GDAP1: variants seen among roughly 807,000 people sequenced by gnomAD.
GDAP1 encodes ganglioside induced differentiation associated protein 1.
A neutral mutation model predicts 40.1 loss-of-function variants in GDAP1; 34 were observed. That is an observed-to-expected ratio of 0.85 (90% CI 0.64 to 1.13). The LOEUF is 1.13. Among genes scored for constraint, GDAP1 ranks in the 50% most tolerant of loss-of-function variants. GDAP1 has a pLI of 0.00. For missense variants in GDAP1, 374 were observed against 433.7 expected, an observed-to-expected ratio of 0.86 and a Z score of 1.22; for synonymous variants, 170 against 157.4, an observed-to-expected ratio of 1.08 and a Z score of -0.60.
At chr8:74,429,517 T>C (rs1225564742) in intron 2 of GDAP1, among the ~76,000 whole-genome samples, 2 of 152,174 alleles carry the variant, frequency 1.3e-5, no homozygotes, top group Non-Finnish European at 2.9e-5. Context: ...CTGAAATCAA[T>C]GTGTCAACAG....
chr8:74,442,289 A>G (rs1196489964), intron 2 of GDAP1, among the ~76,000 whole-genome samples: 1 of 152,212 alleles, frequency 6.6e-6, no homozygotes, highest in Non-Finnish European at 1.5e-5. Flanking sequence ...CAGGCTTCCC[A>G]GAGGATCCGG....
intron 2 of GDAP1, among the ~76,000 whole-genome samples, chr8:74,376,957 G>T (rs1300924346): frequency 6.6e-6 from 1 of 151,712 alleles, no homozygotes. Flanking sequence ...TGTTTTATTG[G>T]GAAAAGAAAG....
chr8:74,400,238 G>A (rs889309876), intron 2 of GDAP1, among the ~76,000 whole-genome samples: 19 of 149,918 alleles, frequency 1.3e-4, no homozygotes, highest in Non-Finnish European at 2.2e-4. Context: ...GTGCTCCTGT[G>A]TTGGGTACAT....
chr8:74,401,091 T>C (rs1352078664), intron 2 of GDAP1, among the ~76,000 whole-genome samples: 4 of 149,222 alleles, frequency 2.7e-5, no homozygotes, highest in Admixed American at 1.3e-4. Flanking sequence ...TGAATCTGAA[T>C]GTTGGCCTGC....
At chr8:74,387,033 A>G (rs954328650) in intron 2 of GDAP1, among the ~76,000 whole-genome samples, 28 of 152,228 alleles carry the variant, frequency 1.8e-4, no homozygotes, top group Non-Finnish European at 3.1e-4. Flanking sequence ...TTGATTTTAT[A>G]TCCTGAGACT....
At chr8:74,377,565 C>T (rs957582661) in intron 2 of GDAP1, among the ~76,000 whole-genome samples, 4 of 152,158 alleles carry the variant, frequency 2.6e-5, no homozygotes, top group East Asian at 3.9e-4. Flanking sequence ...AAATTAAAAC[C>T]GCAATGAGAT....
At chr8:74,436,895 G>C (rs1277425018) in intron 2 of GDAP1, among the ~76,000 whole-genome samples, 1 of 152,108 alleles carries the variant, frequency 6.6e-6, no homozygotes, top group Non-Finnish European at 1.5e-5. Flanking sequence ...AAAAAGTAAA[G>C]GATTACCCGG....
At chr8:74,471,921 TAATTA>T (rs1268278697) in intron 2 of GDAP1, among the ~76,000 whole-genome samples, 2 of 152,214 alleles carry the variant, frequency 1.3e-5, no homozygotes, top group Non-Finnish European at 2.9e-5. Flanking sequence ...TCCATTCACT[TAATTA>T]AATTAATTAA....
At chr8:74,415,715 C>T (rs1805769924) in intron 2 of GDAP1, among the ~76,000 whole-genome samples, 1 of 149,984 alleles carries the variant, frequency 6.7e-6, no homozygotes, top group African/African-American at 2.5e-5. Context: ...TCTGCATGCA[C>T]TCCCAGTCTC....
chr8:74,366,967 C>T (rs1308910437), downstream of GDAP1: 1 of 339,332 alleles, frequency 2.9e-6, no homozygotes, highest in Non-Finnish European at 5.7e-6. Flanking sequence ...GTAAAATAAG[C>T]AGAGGTTAGG....
chr8:74,415,830 AC>A (rs1412128421), intron 2 of GDAP1, among the ~76,000 whole-genome samples: 1 of 149,556 alleles, frequency 6.7e-6, no homozygotes, highest in East Asian at 1.9e-4. Context: ...GAAACCCCTA[AC>A]TGTGAGAGAG....
intron 2 of GDAP1, among the ~76,000 whole-genome samples, chr8:74,441,278 T>C (rs945624401): frequency 5.3e-5 from 8 of 152,236 alleles, no homozygotes; most frequent in Admixed American, 5.2e-4. Flanking sequence ...TACTTTACTA[T>C]GTAAGTAGCA....
At chr8:74,377,070 T>C (rs1217671025) in intron 2 of GDAP1, among the ~76,000 whole-genome samples, 1 of 152,160 alleles carries the variant, frequency 6.6e-6, no homozygotes, top group Non-Finnish European at 1.5e-5. Context: ...ATATCTGTCA[T>C]GGACCTAAAC....
intron 2 of GDAP1, among the ~76,000 whole-genome samples, chr8:74,438,633 C>A (rs1806122578): frequency 6.6e-6 from 1 of 152,156 alleles, no homozygotes; most frequent in Non-Finnish European, 1.5e-5. Context: ...GAGATGGGAT[C>A]TCTGTCACCT....
At chr8:74,389,282 A>G (rs1810072563) in intron 2 of GDAP1, among the ~76,000 whole-genome samples, 1 of 152,100 alleles carries the variant, frequency 6.6e-6, no homozygotes, top group Non-Finnish European at 1.5e-5. Context: ...GTTGGTCTTT[A>G]CATTTTGGTA....
chr8:74,428,601 G>C (rs1201377963), intron 2 of GDAP1, among the ~76,000 whole-genome samples: 1 of 144,756 alleles, frequency 6.9e-6, no homozygotes, highest in Non-Finnish European at 1.5e-5. Flanking sequence ...TGAGTAGCTG[G>C]GACTACGGGC....
intron 2 of GDAP1, among the ~76,000 whole-genome samples, chr8:74,398,206 G>A (rs1810244295): frequency 6.6e-6 from 1 of 152,064 alleles, no homozygotes; most frequent in East Asian, 1.9e-4. Context: ...ACATGTTCAT[G>A]TACCATTATG....
Position 74,364,066 on chromosome 8 carries a change from A to C in GDAP1, c.776A>C (p.Lys259Thr), listed in dbSNP as rs778557691. The C allele has an allele frequency of 1.2e-6, 2 of 1,614,140 alleles. No individual in the cohort carries two copies. The highest frequency in any genetic ancestry group is 1.1e-5 in the South Asian group (1 of 91,084). ...VSLAVTLHRL[K>T]FLGFARRNWG... ...CTCGCTGTCACATTGCATCGACTGA[A>C]GTTCCTGGGGTTTGCAAGGAGAAAC... Residue 259 changes from lysine (K) to threonine (T), a missense_variant, in exon 6 of 6, where the codon AAG becomes ACG. Transcript: ENST00000220822.
chr8:74,360,249 T>C lies in GDAP1; in HGVS notation c.423T>C (p.Ile141=). The change falls in exon 3 of 6, where the codon ATT becomes ATC. Residue 141 remains isoleucine, a synonymous_variant. Coordinates refer to ENST00000220822, the MANE Select transcript of GDAP1 (RefSeq NM_018972.4). The stretch of plus-strand genomic sequence containing the variant: ...TGGATGCCTATACACATGGCTGCAT[T>C]TTACATCCTGAGTTAACTGTGGACT... ...LPMDAYTHGC[I]LHPELTVDSM... is the part of the protein sequence containing the mutation. The C allele has an allele frequency of 1.2e-6, 2 of 1,613,888 alleles. No homozygotes were observed. Among genetic ancestry groups the C allele is most frequent in the Non-Finnish European group, 1.7e-6 (2 of 1,179,814 alleles).
Sources: gnomAD v4.1 joint callset for allele counts (sites outside exome capture counted in the v4.1 genomes callset) on GRCh38, gnomAD v4.1.1 for gene constraint, MANE v1.5 for transcripts, NCBI Gene and HGNC (gene_info 2026-07-23, HGNC 2026-07-21) for gene names.